The following PYGB variants were observed in gnomAD, a reference collection of about 807,000 sequenced individuals.
The protein encoded by PYGB is glycogen phosphorylase, brain form.
Under a neutral mutation model 94.3 loss-of-function variants are expected in PYGB, and 82 were observed. The ratio of observed to expected loss-of-function variants is 0.87; its 90% confidence interval spans 0.73 to 1.04. PYGB has a LOEUF of 1.04. Among genes scored for constraint, PYGB ranks in the 50% least tolerant of loss-of-function variants. The pLI is 0.00. For synonymous variants in PYGB, 488 were observed against 479.1 expected, an observed-to-expected ratio of 1.02 and a Z score of -0.24; for missense variants, 1,132 against 1,158.2, an observed-to-expected ratio of 0.98 and a Z score of 0.33.
intron 4 of PYGB, among the ~76,000 whole-genome samples, 191 bp from the exon 5 acceptor site, chr20:25,274,399 TTA>T (rs1351729144): frequency 6.6e-6 from 1 of 152,230 alleles, no homozygotes; most frequent in Non-Finnish European, 1.5e-5. Context: ...GTTTGTTACT[TTA>T]GTGTCCACTG....
rs114434392 is a variant in PYGB at position 25,281,759 on chromosome 20, G to A, written c.1404-274G>A. ...ATGACTTGGACACCTGTTTCCGCAC[G>A]GACCGCTCTGGAGAATGGCCAGGCT... On this transcript the variant is annotated intron_variant, in intron 11 of 19. Transcript: ENST00000216962. Among the ~76,000 whole-genome samples, 1,006 of 152,326 alleles carry A rather than the reference G, an allele frequency of 6.6e-3. 14 individuals carry two copies. Among genetic ancestry groups the A allele is most frequent in the African/African-American group, 0.023 (959 of 41,572 alleles).
chr20:25,296,219 C>T (rs764160304), intron 19 of PYGB, 151 bp from the exon 20 acceptor site: 116 of 966,824 alleles, frequency 1.2e-4, no homozygotes, highest in Middle Eastern at 2.3e-4. Flanking sequence ...CCCTTTTCAA[C>T]GAACAAGTGA....
chr20:25,274,469 C>G, intron 4 of PYGB, 123 bp from the exon 5 acceptor site: 1 of 1,332,884 alleles, frequency 7.5e-7, no homozygotes, highest in Non-Finnish European at 1.0e-6. Flanking sequence ...TGGTAAGTGG[C>G]TGTAGGTAAA....
At position 25,277,245 on chromosome 20, in the gene PYGB, C is replaced by T. The variant is rs1247858983; in HGVS notation, c.774C>T (p.Phe258=). Residue 258 remains phenylalanine (F), a splice_region_variant and synonymous_variant, in exon 7 of 20, where the codon TTC becomes TTT. Coordinates refer to ENST00000216962, the MANE Select transcript of PYGB (RefSeq NM_002862.4). ...TGACCCCGCTCCATTTCTTCTTAGTCAACGTGGGAGACTACATCGAGGCGG... is the reference window on the plus strand; with the variant it reads ...TGACCCCGCTCCATTTCTTCTTAGTTAACGTGGGAGACTACATCGAGGCGG... ...KAPNDFKLQD[F]NVGDYIEAVL... is the part of the protein sequence containing the mutation. 20 of 1,559,540 alleles carry T rather than the reference C, an allele frequency of 1.3e-5. No homozygotes were observed. The highest frequency in any genetic ancestry group is 1.8e-5 in the Non-Finnish European group (20 of 1,130,350).
chr20:25,288,028 G>T (rs1161320006), intron 14 of PYGB, among the ~76,000 whole-genome samples: 1 of 152,130 alleles, frequency 6.6e-6, no homozygotes, highest in African/African-American at 2.4e-5. Flanking sequence ...TCATGTACAG[G>T]GGCCTTGAAC....
Position 25,293,743 on chromosome 20 carries a change from C to T in PYGB, c.2178-415C>T, listed in dbSNP as rs112275968. Among the ~76,000 whole-genome samples the T allele has an allele frequency of 1.2e-3, 179 of 152,340 alleles. 1 individual carries two copies. Among genetic ancestry groups the T allele is most frequent in the African/African-American group, 4.1e-3 (171 of 41,582 alleles). ...GGTCTTGCTTGCGTTTTTCCTTTTCCATCTTCGAGGTCCCAGCCAAGGTGC... is the reference window on the plus strand; with the variant it reads ...GGTCTTGCTTGCGTTTTTCCTTTTCTATCTTCGAGGTCCCAGCCAAGGTGC... On this transcript the variant is annotated intron_variant, in intron 17 of 19. Transcript: ENST00000216962.
chr20:25,260,413 A>G (rs1163012320), intron 2 of PYGB, among the ~76,000 whole-genome samples: 3 of 152,244 alleles, frequency 2.0e-5, no homozygotes, highest in Non-Finnish European at 4.4e-5. Context: ...ATATGTTTCT[A>G]ATTTTTATTC....
chr20:25,280,870 T>C, intron 10 of PYGB, 79 bp from the exon 11 acceptor site: 1 of 1,508,428 alleles, frequency 6.6e-7, no homozygotes, highest in Non-Finnish European at 9.1e-7. Flanking sequence ...GGTCATGGAG[T>C]GTCCCCTGGT....
intron 14 of PYGB, among the ~76,000 whole-genome samples, chr20:25,287,024 AC>A (rs1256732076): frequency 2.6e-5 from 4 of 151,964 alleles, no homozygotes; most frequent in African/African-American, 9.7e-5. Flanking sequence ...CATCAGCCCG[AC>A]TCCCTGCTGC....
intron 2 of PYGB, among the ~76,000 whole-genome samples, chr20:25,267,764 C>T (rs2088230575): frequency 6.6e-6 from 1 of 152,176 alleles, no homozygotes. Flanking sequence ...CTTCTAAGCT[C>T]AAACGATCCT....
At chr20:25,275,248 G>A (rs552951558) in intron 5 of PYGB, among the ~76,000 whole-genome samples, 2 of 152,382 alleles carry the variant, frequency 1.3e-5, no homozygotes, top group South Asian at 4.1e-4. Context: ...ATGGGGCCAG[G>A]CCCTCCTGCC....
Position 25,280,249 on chromosome 20 carries a change from A to G in PYGB, c.1093-17A>G, listed in dbSNP as rs779495231. On this transcript the variant is annotated splice_polypyrimidine_tract_variant and intron_variant, in intron 9 of 19. Transcript: ENST00000216962. The stretch of plus-strand genomic sequence containing the variant: ...TGTTTCTAAACAAACACATGGGAAC[A>G]TTCTCTAATGGCCTAGGCCTGGGAA... 3 of 1,612,688 alleles carry G rather than the reference A, an allele frequency of 1.9e-6. No homozygotes were observed. Among genetic ancestry groups the G allele is most frequent in the Admixed American group, 1.7e-5 (1 of 59,926 alleles).
chr20:25,271,921 C>G (rs1040462628), intron 4 of PYGB, among the ~76,000 whole-genome samples: 12 of 152,154 alleles, frequency 7.9e-5, no homozygotes, highest in African/African-American at 2.2e-4. Flanking sequence ...GCTTTTGCTC[C>G]CACCTTCTCC....
At chr20:25,266,076 C>T (rs1018219702) in intron 2 of PYGB, among the ~76,000 whole-genome samples, 1 of 151,978 alleles carries the variant, frequency 6.6e-6, no homozygotes, top group African/African-American at 2.4e-5. Flanking sequence ...TTCTCAAACT[C>T]CTGACCTCAA....
intron 1 of PYGB, among the ~76,000 whole-genome samples, chr20:25,253,477 C>T (rs1024745239): frequency 6.6e-6 from 1 of 151,988 alleles, no homozygotes; most frequent in East Asian, 1.9e-4. Context: ...TATGGTGAAA[C>T]CTGGTCTCTA....
chr20:25,248,555 A>G (rs2092877872), intron 1 of PYGB, 134 bp downstream of exon 1: 1 of 1,157,354 alleles, frequency 8.6e-7, no homozygotes. Context: ...GGCCAGGCAC[A>G]GCCGACTGGG....
chr20:25,287,880 C>G (rs1236447319), intron 14 of PYGB, among the ~76,000 whole-genome samples: 1 of 151,970 alleles, frequency 6.6e-6, no homozygotes. Context: ...ACTCAGGAGG[C>G]TGAGGTGGGA....
At chr20:25,262,931 A>G (rs887961920) in intron 2 of PYGB, among the ~76,000 whole-genome samples, 1 of 152,234 alleles carries the variant, frequency 6.6e-6, no homozygotes, top group Non-Finnish European at 1.5e-5. Flanking sequence ...CTAAATACAT[A>G]TGCACCCAAT....
Position 25,248,091 on chromosome 20 carries a change from G to A in PYGB, c.-88G>A. ...AGCCGCAGTGCCGGGCGCCAGAGCA[G>A]CGGCGCCAGAGCAGCTGCACCATCC... On this transcript the variant is annotated 5_prime_UTR_variant, in exon 1 of 20. Coordinates refer to ENST00000216962, the MANE Select transcript of PYGB (RefSeq NM_002862.4). 7.5e-7 allele frequency: 1 copy of A among 1,337,286 alleles called. No homozygotes were observed. The highest frequency in any genetic ancestry group is 9.6e-7 in the Non-Finnish European group (1 of 1,041,132). 82.8% of individuals were successfully genotyped at this position (1,337,286 alleles called of 1,614,324 possible). A position where few individuals can be genotyped will look rare whatever the true frequency, so the allele number is the denominator to read the frequency against.
Sources: gnomAD v4.1 joint callset for allele counts (sites outside exome capture counted in the v4.1 genomes callset) on GRCh38, gnomAD v4.1.1 for gene constraint, MANE v1.5 for transcripts, NCBI Gene and HGNC (gene_info 2026-07-23, HGNC 2026-07-21) for gene names.